The following HS3ST4 variants were observed in gnomAD, a reference collection of about 807,000 sequenced individuals.
The protein encoded by HS3ST4 is heparan sulfate glucosamine 3-O-sulfotransferase 4.
In HS3ST4, 17 loss-of-function variants were observed where a neutral mutation model predicts 29.2. That is an observed-to-expected ratio of 0.58 (90% CI 0.40 to 0.87). The LOEUF (loss-of-function observed/expected upper bound fraction) is 0.87. Ranked by LOEUF, HS3ST4 falls within the 40% of genes least tolerant of loss-of-function variation. The probability of loss-of-function intolerance (pLI) is 0.00; values close to 1 mark genes in which losing one functional copy is unlikely to be tolerated. For synonymous variants in HS3ST4, 314 were observed against 285.7 expected (o/e 1.10, Z -1.00); for missense variants, 627 against 634.5 (o/e 0.99, Z 0.13).
intron 1 of HS3ST4, among the ~76,000 whole-genome samples, chr16:25,885,390 G>A (rs7201337): frequency 0.76 from 115,572 of 151,998 alleles, 44,298 homozygotes; most frequent in African/African-American, 0.85. Flanking sequence ...AAAAGTTCAT[G>A]TTATTACCTG....
At chr16:25,748,616 C>T (rs1966699665) in intron 1 of HS3ST4, among the ~76,000 whole-genome samples, 1 of 152,210 alleles carries the variant, frequency 6.6e-6, no homozygotes, top group African/African-American at 2.4e-5. Context: ...AGATACTGTA[C>T]ATGATAATGC....
chr16:25,894,777 G>T (rs879272392), intron 1 of HS3ST4, among the ~76,000 whole-genome samples: 11 of 152,032 alleles, frequency 7.2e-5, no homozygotes, highest in East Asian at 1.9e-4. Context: ...AAGTGCTGGG[G>T]TTACAGGCAT....
intron 1 of HS3ST4, among the ~76,000 whole-genome samples, chr16:25,966,987 C>A (rs1968848998): frequency 6.6e-6 from 1 of 152,118 alleles, no homozygotes; most frequent in South Asian, 2.1e-4. Flanking sequence ...CACCTGGAAC[C>A]TGTTAGAAAC....
intron 1 of HS3ST4, among the ~76,000 whole-genome samples, chr16:25,940,320 G>A (rs1178380305): frequency 6.6e-6 from 1 of 151,752 alleles, no homozygotes; most frequent in Non-Finnish European, 1.5e-5. Context: ...ATAAGAGCAT[G>A]GTCAGGATAA....
intron 1 of HS3ST4, among the ~76,000 whole-genome samples, chr16:25,805,167 A>G (rs920909952): frequency 6.6e-6 from 1 of 152,222 alleles, no homozygotes; most frequent in Admixed American, 6.5e-5. Context: ...TTCACCAGTA[A>G]AAAAGGATTA....
At chr16:25,931,174 T>C (rs116366373) in intron 1 of HS3ST4, among the ~76,000 whole-genome samples, 3,771 of 152,272 alleles carry the variant, frequency 0.025, 171 homozygotes, top group African/African-American at 0.087. Flanking sequence ...TGGAATTGTT[T>C]CCCCAACAAG....
At chr16:26,075,747 T>C (rs1223096652) in intron 1 of HS3ST4, among the ~76,000 whole-genome samples, 1 of 152,184 alleles carries the variant, frequency 6.6e-6, no homozygotes, top group Non-Finnish European at 1.5e-5. Flanking sequence ...CAAAGAACAT[T>C]CCCATGATTC....
intron 1 of HS3ST4, among the ~76,000 whole-genome samples, chr16:26,064,106 T>G (rs190808468): frequency 2.6e-5 from 4 of 152,308 alleles, no homozygotes; most frequent in Admixed American, 2.6e-4. Flanking sequence ...ACGTATGTGC[T>G]GTCTGCATGT....
chr16:26,080,168 A>C (rs899461392), intron 1 of HS3ST4, among the ~76,000 whole-genome samples: 1 of 152,090 alleles, frequency 6.6e-6, no homozygotes, highest in African/African-American at 2.4e-5. Flanking sequence ...AGGTTCGAGG[A>C]GTCAGGACAG....
chr16:25,823,336 C>T (rs1017890633), intron 1 of HS3ST4, among the ~76,000 whole-genome samples: 1 of 152,156 alleles, frequency 6.6e-6, no homozygotes, highest in Non-Finnish European at 1.5e-5. Flanking sequence ...AAGAGAAAGA[C>T]TTGTTTCTCT....
At chr16:25,750,893 C>T (rs550449236) in intron 1 of HS3ST4, among the ~76,000 whole-genome samples, 4 of 152,262 alleles carry the variant, frequency 2.6e-5, no homozygotes, top group Admixed American at 2.6e-4. Context: ...AAACAGTTCC[C>T]TCCGCAGCAT....
intron 1 of HS3ST4, among the ~76,000 whole-genome samples, chr16:25,983,442 A>G (rs1227488550): frequency 6.6e-6 from 1 of 152,186 alleles, no homozygotes; most frequent in Non-Finnish European, 1.5e-5. Flanking sequence ...GTTTGCACAC[A>G]GTATTCATGT....
intron 1 of HS3ST4, among the ~76,000 whole-genome samples, chr16:25,828,312 CTCTCTCTCTCTCTCTCTCTCTCTCTCTT>C (rs1967255013): frequency 8.6e-6 from 1 of 116,868 alleles, no homozygotes; most frequent in African/African-American, 3.5e-5. Flanking sequence ...CTCTCTCTCT[CTCTCTCTCTCTCTCTCTCTCTCTCTCTT>C]TCTCCCTTTC....
chr16:26,059,744 C>T (rs10221104), intron 1 of HS3ST4, among the ~76,000 whole-genome samples: 62,538 of 151,854 alleles, frequency 0.41, 13,122 homozygotes, highest in Middle Eastern at 0.55. Flanking sequence ...ATCTTTCAAA[C>T]GCGCTAGTAT....
intron 1 of HS3ST4, among the ~76,000 whole-genome samples, chr16:26,101,909 G>A (rs772751495): frequency 6.6e-6 from 1 of 151,396 alleles, no homozygotes; most frequent in African/African-American, 2.4e-5. Flanking sequence ...TCTCTTTTGC[G>A]ACTGTTTTGG....
intron 1 of HS3ST4, among the ~76,000 whole-genome samples, chr16:25,727,690 C>T (rs1373878713): frequency 6.6e-6 from 1 of 152,130 alleles, no homozygotes; most frequent in African/African-American, 2.4e-5. Flanking sequence ...CCAGGGAGAA[C>T]CCACATCATT....
intron 1 of HS3ST4, among the ~76,000 whole-genome samples, chr16:25,739,930 G>T (rs565042131): frequency 7.2e-5 from 11 of 152,320 alleles, no homozygotes; most frequent in African/African-American, 2.6e-4. Flanking sequence ...GTAGAGATGA[G>T]ACCTGGGTGA....
rs373347367 is a variant in HS3ST4 at position 25,710,654 on chromosome 16, C to A, written c.734+17503C>A. ...AATGGTTCTTTTTATAAAGAGATTTCTTTTCCTGGTTTCTTGCTACTTATT... is the reference window on the plus strand; with the variant it reads ...AATGGTTCTTTTTATAAAGAGATTTATTTTCCTGGTTTCTTGCTACTTATT... On this transcript the variant is annotated intron_variant, in intron 1 of 1. Transcript: ENST00000331351. Among the ~76,000 whole-genome samples, 4 of 151,888 alleles carry A rather than the reference C, an allele frequency of 2.6e-5. No homozygotes were observed. In the South Asian group the frequency reaches 8.3e-4, roughly 32 times the overall value.
At chr16:25,999,835 A>ATATATTTTATATATATTATATATATAT (rs1969192969) in intron 1 of HS3ST4, among the ~76,000 whole-genome samples, 1 of 106,160 alleles carries the variant, frequency 9.4e-6, no homozygotes, top group Non-Finnish European at 2.0e-5. Flanking sequence ...TTTATATATT[A>ATATATTTTATATATATTATATATATAT]TATATATTTT....
Sources: allele counts gnomAD v4.1 joint callset (sites outside exome capture counted in the v4.1 genomes callset), GRCh38; gene constraint gnomAD v4.1.1; transcripts MANE v1.5; gene names NCBI Gene and HGNC (gene_info 2026-07-23, HGNC 2026-07-21).